Variants in WRAP53 observed in about 807,000 individuals in gnomAD.
WRAP53 encodes the protein telomerase Cajal body protein 1.
WRAP53 carries 28 observed loss-of-function variants against 56.6 expected under a neutral mutation model. That is an observed-to-expected ratio of 0.50 (90% CI 0.37 to 0.68). The LOEUF (loss-of-function observed/expected upper bound fraction) is 0.68, where lower values mean the gene tolerates loss of function less well. Ranked by LOEUF, WRAP53 falls within the 30% of genes least tolerant of loss-of-function variation. The pLI is 0.00. For synonymous variants in WRAP53, 283 were observed against 283.4 expected (o/e 1.00, Z 0.01); for missense variants, 671 against 715.5 (o/e 0.94, Z 0.71).
chr17:7,693,771 G>GT (rs2074145184), intron 4 of WRAP53, among the ~76,000 whole-genome samples: 1 of 152,244 alleles, frequency 6.6e-6, no homozygotes, highest in South Asian at 2.1e-4. Context: ...CTAGCATATA[G>GT]TAAGTGTTCG....
In WRAP53 at chr17:7,689,009, C is replaced by T. The variant is rs777588420; in HGVS notation, c.361C>T (p.Pro121Ser). ...CCTTTCTGAAGAAGAAGCGAACGGG[C>T]CAGAGTTGGGGTCTGGAAAAGCCAT... ...GSLSEEEANG[P>S]ELGSGKAMED... The change falls in exon 2 of 11, where the codon CCA (proline) becomes TCA (serine). Residue 121 changes from proline (P) to serine (S), a missense_variant. Coordinates refer to ENST00000396463, the MANE Select transcript of WRAP53 (RefSeq NM_001143992.2). The T allele has an allele frequency of 1.6e-5, 26 of 1,614,012 alleles. No homozygotes were observed. Among genetic ancestry groups the T allele is most frequent in the Non-Finnish European group, 8.5e-6 (10 of 1,180,042 alleles).
At position 7,703,022 on chromosome 17, in the gene WRAP53, C is replaced by T. The variant is rs765684862; in HGVS notation, c.1298C>T (p.Thr433Met). Reference sequence around the variant, plus strand: ...GGGCAGTTCCTAGTGAGTGGCAGCACGAGCGGGGCTGTCTCTGTGTGGGAC... The same window carrying T: ...GGGCAGTTCCTAGTGAGTGGCAGCATGAGCGGGGCTGTCTCTGTGTGGGAC... ...PTGQFLVSGS[T>M]SGAVSVWDTD... Residue 433 changes from threonine (T) to methionine (M), a missense_variant, in exon 10 of 11, where the codon ACG (threonine) becomes ATG (methionine). Physicochemically the swap from Thr to Met is moderately conservative, Grantham distance 81 (BLOSUM62 -1). Transcript: ENST00000396463. The T allele has an allele frequency of 7.4e-6, 12 of 1,613,890 alleles. No homozygotes were observed. The highest frequency in any genetic ancestry group is 4.5e-5 in the East Asian group (2 of 44,892).
Position 7,699,497 on chromosome 17 carries a change from TA to T in WRAP53, c.643-1243del, listed in dbSNP as rs1567577504. 0.01 allele frequency among the ~76,000 whole-genome samples: 125 copies of T among 12,434 alleles called. 6 individuals carry two copies. The East Asian group carries it at 0.19, about 18-fold the overall frequency. 8.2% of individuals were successfully genotyped at this position (12,434 alleles called of 152,430 possible). On this transcript the variant is annotated intron_variant, in intron 4 of 10. Coordinates refer to ENST00000396463, the MANE Select transcript of WRAP53 (RefSeq NM_001143992.2). ...ATATTTATATATATATATATATATA[TA>T]TATTTATATATATATATATATATTT...
chr17:7,690,139 G>T (rs1013513051), intron 4 of WRAP53, among the ~76,000 whole-genome samples: 2 of 152,194 alleles, frequency 1.3e-5, no homozygotes, highest in African/African-American at 4.8e-5. Context: ...AGTAGAGACG[G>T]GGTTTCGCCA....
chr17:7,693,184 C>CCTTTTT (rs2074137886), intron 4 of WRAP53, among the ~76,000 whole-genome samples: 1 of 147,384 alleles, frequency 6.8e-6, no homozygotes. Flanking sequence ...TCTTTTTTTT[C>CCTTTTT]TTTTTTTTGA....
In WRAP53 at chr17:7,688,972, A is replaced by G; in HGVS notation, c.324A>G (p.Glu108=). 1.2e-6 allele frequency: 2 copies of G among 1,614,192 alleles called. No individual in the cohort carries two copies. Among genetic ancestry groups the G allele is most frequent in the Non-Finnish European group, 1.7e-6 (2 of 1,180,046 alleles). Residue 108 remains glutamate, a synonymous_variant, in exon 2 of 11, where the codon GAA becomes GAG. Coordinates refer to ENST00000396463, the MANE Select transcript of WRAP53 (RefSeq NM_001143992.2). ...AAAATACAAGCCTTCCTGCAGAAGA[A>G]GCAAACGGGAGCCTTTCTGAAGAAG... ...LSENTSLPAE[E]ANGSLSEEEA...
At chr17:7,690,146 G>C (rs535863541) in intron 4 of WRAP53, among the ~76,000 whole-genome samples, 2 of 152,274 alleles carry the variant, frequency 1.3e-5, no homozygotes, top group South Asian at 2.1e-4. Flanking sequence ...ACGGGGTTTC[G>C]CCATGTTGGG....
intron 4 of WRAP53, among the ~76,000 whole-genome samples, chr17:7,694,828 AAAAC>A (rs1318883150): frequency 1.3e-5 from 2 of 150,698 alleles, no homozygotes; most frequent in African/African-American, 2.5e-5. Flanking sequence ...ACTCTGTCTC[AAAAC>A]AAACAACCAA....
At chr17:7,693,610 T>G (rs541343022) in intron 4 of WRAP53, among the ~76,000 whole-genome samples, 2 of 151,752 alleles carry the variant, frequency 1.3e-5, no homozygotes, top group Non-Finnish European at 2.9e-5. Flanking sequence ...TCCCAGCTAC[T>G]TGGGAGGTTT....
At chr17:7,687,894 C>A, upstream of WRAP53, 1 of 320,372 alleles carries the variant, frequency 3.1e-6, no homozygotes, top group Non-Finnish European at 5.7e-6. Context: ...ATATCACACC[C>A]TAACGTTTTC....
chr17:7,703,356 G>A lies in WRAP53; in HGVS notation c.1517G>A (p.Arg506His), dbSNP rs143189042. ...CTGGGCCTTCCCTTGCTCTCCACGC[G>A]CCACGTCCACCTTGAATGTCGGCTT... ...EELGLPLLST[R>H]HVHLECRLQL... Residue 506 changes from arginine to histidine, a missense_variant, in exon 11 of 11, where the codon CGC becomes CAC. Transcript: ENST00000396463. 18 of 1,614,030 alleles carry A rather than the reference G, an allele frequency of 1.1e-5. No homozygotes were observed. Among genetic ancestry groups the A allele is most frequent in the South Asian group, 5.5e-5 (5 of 91,072 alleles).
chr17:7,687,866 T>C, upstream of WRAP53: 1 of 360,286 alleles, frequency 2.8e-6, no homozygotes, highest in Non-Finnish European at 4.9e-6. Context: ...ATGTCATTTT[T>C]TAGGAAGGCT....
At chr17:7,698,816 C>T (rs1028663829) in intron 4 of WRAP53, among the ~76,000 whole-genome samples, 9 of 151,962 alleles carry the variant, frequency 5.9e-5, no homozygotes, top group Non-Finnish European at 4.4e-5. Context: ...GCAGAGGTTG[C>T]AGTGAGCCAA....
chr17:7,702,723 G>A lies in WRAP53; in HGVS notation c.1165-20G>A, dbSNP rs760854203. ...TCCAGGGCTTTGGGGGTGACTCCAG[G>A]TCCTGTTCCTTGTCTCCAGGATGCT... On this transcript the variant is annotated intron_variant, in intron 8 of 10. Transcript: ENST00000396463. This position sits in a 1 kb window ranked among gnomAD's most constrained non-coding sequence, Gnocchi z 5.0. 3 of 1,612,194 alleles carry A rather than the reference G, an allele frequency of 1.9e-6. No individual in the cohort carries two copies. The South Asian group carries it at 3.3e-5, about 18-fold the overall frequency.
chr17:7,687,273 C>G (rs939819655), upstream of WRAP53: 60 of 398,322 alleles, frequency 1.5e-4, no homozygotes, highest in Non-Finnish European at 2.4e-4. Context: ...CGCTAAGTCC[C>G]CACTGCCCCA....
At chr17:7,700,883 G>A in intron 5 of WRAP53, 54 bp downstream of exon 5, 1 of 1,377,754 alleles carries the variant, frequency 7.3e-7, no homozygotes, top group Non-Finnish European at 1.0e-6. Flanking sequence ...TTCAAGCAGG[G>A]CCTCTTGGGA....
rs1029683725 is a variant in WRAP53, at chr17:7,689,476, C to G, written c.531-114C>G. On this transcript the variant is annotated intron_variant, in intron 3 of 10. Transcript: ENST00000396463. ...CATTTTATCTAGCAGTTTGTGTCTT[C>G]TACTTCCCTCAAGGATTCAGGGGGG... 5 of 1,274,612 alleles carry G rather than the reference C, an allele frequency of 3.9e-6. No homozygotes were observed. The African/African-American group carries it at 7.3e-5, about 19-fold the overall frequency. The allele number at this position is 1,274,612 out of a possible 1,614,324, so 79.0% of individuals were successfully genotyped here. A position where few individuals can be genotyped will look rare whatever the true frequency, so the allele number is the denominator to read the frequency against.
chr17:7,690,940 T>C (rs551989186), intron 4 of WRAP53, among the ~76,000 whole-genome samples: 11 of 148,374 alleles, frequency 7.4e-5, no homozygotes, highest in Non-Finnish European at 1.5e-4. Flanking sequence ...CTGGGCTCAG[T>C]GGCTCACACC....
Position 7,702,973 on chromosome 17 carries a change from A to C in WRAP53, c.1269-20A>C. 1 of 1,613,370 alleles carries C rather than the reference A, an allele frequency of 6.2e-7. No homozygotes were observed. The highest frequency in any genetic ancestry group is 8.5e-7 in the Non-Finnish European group (1 of 1,179,978). On this transcript the variant is annotated intron_variant, in intron 9 of 10. Transcript: ENST00000396463. The surrounding 1 kb of genome is among the most constrained non-coding windows in gnomAD (Gnocchi z 5.0). ...CCAGGGGTGAGGCCTCTGCCAGCAAATCTCTCCTCTCTCTCGCAGGACCGG... is the reference window on the plus strand; with the variant it reads ...CCAGGGGTGAGGCCTCTGCCAGCAACTCTCTCCTCTCTCTCGCAGGACCGG...
Sources: gnomAD v4.1 joint callset for allele counts (sites outside exome capture counted in the v4.1 genomes callset) on GRCh38, gnomAD v4.1.1 for gene constraint, Gnocchi (gnomAD v3.1) non-coding constraint, MANE v1.5 for transcripts, NCBI Gene and HGNC (gene_info 2026-07-23, HGNC 2026-07-21) for gene names.